Variants in MCCC1 observed in about 807,000 individuals in gnomAD.
The protein encoded by MCCC1 is methylcrotonyl-CoA carboxylase subunit 1, also known as methylcrotonoyl-CoA carboxylase subunit alpha, mitochondrial.
A neutral mutation model predicts 83.8 loss-of-function variants in MCCC1; 64 were observed. That is an observed-to-expected ratio of 0.76 (90% CI 0.62 to 0.94). The LOEUF is 0.94. MCCC1 is among the 40% of genes least tolerant of loss of function. The pLI, the probability that MCCC1 is intolerant of heterozygous loss-of-function variation, is 0.00. For synonymous variants in MCCC1, 322 were observed against 315.4 expected (o/e 1.02, Z -0.22); for missense variants, 807 against 904.7 (o/e 0.89, Z 1.39).
At chr3:183,092,254 G>T in intron 3 of MCCC1, 155 bp downstream of exon 3, 1 of 861,558 alleles carries the variant, frequency 1.2e-6, no homozygotes, top group Non-Finnish European at 1.8e-6. Context: ...TGTTATATCT[G>T]AAAAATGTTC....
intron 7 of MCCC1, among the ~76,000 whole-genome samples, chr3:183,060,195 G>A (rs1424867651): frequency 6.6e-6 from 1 of 151,740 alleles, no homozygotes; most frequent in Non-Finnish European, 1.5e-5. Context: ...TTTCCGTTTG[G>A]GAAAGTTCTA....
intron 7 of MCCC1, among the ~76,000 whole-genome samples, chr3:183,069,257 C>T (rs4859274): frequency 0.9 from 136,692 of 152,260 alleles, 61,711 homozygotes; most frequent in East Asian, 1. Context: ...TATAATGTGA[C>T]GCAATGTATG....
chr3:183,080,773 G>A (rs114357829), intron 4 of MCCC1, among the ~76,000 whole-genome samples: 1 of 152,310 alleles, frequency 6.6e-6, no homozygotes, highest in Non-Finnish European at 1.5e-5. Flanking sequence ...TTAGTGGCTG[G>A]ATAGGCCTCA....
At chr3:183,067,483 A>T (rs1716340705) in intron 7 of MCCC1, among the ~76,000 whole-genome samples, 2 of 152,218 alleles carry the variant, frequency 1.3e-5, no homozygotes, top group African/African-American at 2.4e-5. Context: ...TCTTACCATG[A>T]TTTGTCTTTA....
chr3:183,098,035 C>T (rs896493515), intron 1 of MCCC1, among the ~76,000 whole-genome samples: 2 of 152,228 alleles, frequency 1.3e-5, no homozygotes, highest in Admixed American at 1.3e-4. Context: ...CTGCCTCAGC[C>T]TCCCGAGTAG....
At chr3:183,112,370 T>A (rs900425156) in intron 1 of MCCC1, among the ~76,000 whole-genome samples, 3 of 152,168 alleles carry the variant, frequency 2.0e-5, no homozygotes, top group African/African-American at 7.2e-5. Context: ...GCCATGTGCT[T>A]TCTATCCTGC....
Position 183,080,009 on chromosome 3 carries a change from C to T in MCCC1, c.369+6684G>A, listed in dbSNP as rs190735372. 3.9e-5 allele frequency among the ~76,000 whole-genome samples: 6 copies of T among 152,304 alleles called. No homozygotes were observed. In the East Asian group the frequency reaches 7.7e-4, roughly 20 times the overall value. On this transcript the variant is annotated intron_variant, in intron 4 of 18. Coordinates refer to ENST00000265594, the MANE Select transcript of MCCC1 (RefSeq NM_020166.5). ...GGGGACCAAATCCCTAGACTGTACA[C>T]AGCAGTCTGGCCTGGCCCACAAAAC...
At chr3:183,097,737 C>CT (rs545143626) in intron 1 of MCCC1, among the ~76,000 whole-genome samples, 3 of 152,254 alleles carry the variant, frequency 2.0e-5, no homozygotes, top group South Asian at 4.1e-4. Context: ...ATTAACAACT[C>CT]TAACACTCTC....
upstream of MCCC1, among the ~76,000 whole-genome samples, chr3:183,102,615 T>C (rs1317153700): frequency 6.6e-6 from 1 of 151,994 alleles, no homozygotes; most frequent in Admixed American, 6.6e-5. Flanking sequence ...GACCAGTGAT[T>C]AGCCCTCTGG....
At chr3:183,065,319 T>C (rs1485941560) in intron 7 of MCCC1, among the ~76,000 whole-genome samples, 1 of 152,190 alleles carries the variant, frequency 6.6e-6, no homozygotes, top group Non-Finnish European at 1.5e-5. Flanking sequence ...GTATACCGGG[T>C]TCAGGATTCA....
chr3:183,089,919 A>G (rs1718192838), intron 3 of MCCC1, among the ~76,000 whole-genome samples: 1 of 152,206 alleles, frequency 6.6e-6, no homozygotes, highest in Non-Finnish European at 1.5e-5. Flanking sequence ...ACCTGTGACA[A>G]TATTGAAGTG....
intron 8 of MCCC1, among the ~76,000 whole-genome samples, chr3:183,056,706 G>A (rs1032393180): frequency 2.0e-5 from 3 of 151,762 alleles, no homozygotes; most frequent in African/African-American, 7.3e-5. Context: ...CTGTTTTTTT[G>A]TTTGAGACAA....
At chr3:183,093,838 T>C (rs1037250235) in intron 2 of MCCC1, among the ~76,000 whole-genome samples, 1 of 152,110 alleles carries the variant, frequency 6.6e-6, no homozygotes, top group Non-Finnish European at 1.5e-5. Context: ...ATTACACTTT[T>C]ATATGTTTCA....
rs902498234 is a variant in MCCC1, at chr3:183,064,869, T to C, written c.761+6130A>G. 2.4e-4 allele frequency among the ~76,000 whole-genome samples: 36 copies of C among 152,054 alleles called. No individual in the cohort carries two copies. The highest frequency in any genetic ancestry group is 8.0e-4 in the African/African-American group (33 of 41,418). On this transcript the variant is annotated intron_variant, in intron 7 of 18. Transcript: ENST00000265594. This position sits in a 1 kb window ranked among gnomAD's most constrained non-coding sequence, Gnocchi z 4.5. ...ACTTTTTATTTAGTGTCGGTTGCAA[T>C]GGGCGGGTCTTTCTCTGGTCTCTCT... is the stretch of plus-strand genomic sequence containing the variant.
At chr3:183,106,569 G>C (rs1469726363) in intron 1 of MCCC1, among the ~76,000 whole-genome samples, 1 of 151,232 alleles carries the variant, frequency 6.6e-6, no homozygotes, top group Non-Finnish European at 1.5e-5. Flanking sequence ...TGCAATCTCA[G>C]CTCACTGCAA....
Position 183,031,654 on chromosome 3 carries a change from T to C in MCCC1, c.1681+2337A>G, listed in dbSNP as rs1454391054. Among the ~76,000 whole-genome samples the C allele has an allele frequency of 2.6e-5, 4 of 151,798 alleles. No homozygotes were observed. In the East Asian group the frequency reaches 7.7e-4, roughly 29 times the overall value. On this transcript the variant is annotated intron_variant, in intron 14 of 18. Transcript: ENST00000265594. ...CTGGGACTACAGGCGCCCACCACCA[T>C]GCCTGGCTAATTTTTTGTACTTTTT...
At chr3:183,079,401 C>T (rs1469726598) in intron 4 of MCCC1, among the ~76,000 whole-genome samples, 1 of 152,164 alleles carries the variant, frequency 6.6e-6, no homozygotes. Context: ...AGGCTCCATG[C>T]AAGTCTGAAA....
At chr3:183,113,517 A>G (rs1719536260) in intron 1 of MCCC1, among the ~76,000 whole-genome samples, 1 of 151,866 alleles carries the variant, frequency 6.6e-6, no homozygotes, top group Non-Finnish European at 1.5e-5. Flanking sequence ...ATACATATGT[A>G]ACAAACCTGC....
At chr3:183,040,513 C>G (rs1169741174) in intron 11 of MCCC1, among the ~76,000 whole-genome samples, 2 of 147,520 alleles carry the variant, frequency 1.4e-5, no homozygotes, top group African/African-American at 5.1e-5. Flanking sequence ...GAGTTTGAGA[C>G]CAGCCTAGCC....
Sources: gnomAD v4.1 joint callset for allele counts (sites outside exome capture counted in the v4.1 genomes callset) on GRCh38, gnomAD v4.1.1 for gene constraint, Gnocchi (gnomAD v3.1) non-coding constraint, MANE v1.5 for transcripts, NCBI Gene and HGNC (gene_info 2026-07-23, HGNC 2026-07-21) for gene names.